ROR1: variants seen among roughly 807,000 people sequenced by gnomAD.
The protein encoded by ROR1 is ROR family WNT receptor 1, also known as inactive tyrosine-protein kinase transmembrane receptor ROR1.
In ROR1, 19 loss-of-function variants were observed where a neutral mutation model predicts 78.8. That is an observed-to-expected ratio of 0.24 (90% CI 0.17 to 0.35). The LOEUF (loss-of-function observed/expected upper bound fraction) is 0.35. Among genes scored for constraint, ROR1 ranks in the 10% least tolerant of loss-of-function variants. The pLI is 1.00. For synonymous variants in ROR1, 386 were observed against 433.6 expected (o/e 0.89, Z 1.36); for missense variants, 917 against 1,177.8 (o/e 0.78, Z 3.24).
chr1:64,001,041 A>G (rs886349171), intron 1 of ROR1, among the ~76,000 whole-genome samples: 10 of 152,210 alleles, frequency 6.6e-5, no homozygotes, highest in African/African-American at 1.9e-4. Flanking sequence ...AAGTCTATGC[A>G]TGGGTTCATG....
chr1:63,821,865 C>T (rs2819146), intron 1 of ROR1, among the ~76,000 whole-genome samples: 3,784 of 152,244 alleles, frequency 0.025, 163 homozygotes, highest in African/African-American at 0.087. Context: ...CTGACAGCTC[C>T]CCCTTCTCCT....
At chr1:64,164,991 A>T (rs1430351246) in intron 8 of ROR1, among the ~76,000 whole-genome samples, 2 of 152,120 alleles carry the variant, frequency 1.3e-5, no homozygotes, top group Non-Finnish European at 2.9e-5. Context: ...CATTTTCTTT[A>T]TCCAGTCTAT....
At chr1:64,034,328 A>G (rs1014305448) in intron 2 of ROR1, among the ~76,000 whole-genome samples, 1 of 152,086 alleles carries the variant, frequency 6.6e-6, no homozygotes, top group Non-Finnish European at 1.5e-5. Context: ...TTTTAGCCAC[A>G]GTACATTAGC....
intron 4 of ROR1, chr1:64,111,212 G>C (rs929797541): frequency 2.0e-5 from 3 of 152,114 alleles, no homozygotes; most frequent in Non-Finnish European, 1.5e-5. Flanking sequence ...AAATACATTT[G>C]CTTGTAATTT....
intron 1 of ROR1, among the ~76,000 whole-genome samples, chr1:63,977,410 T>C (rs189042370): frequency 3.8e-4 from 58 of 152,256 alleles, no homozygotes; most frequent in African/African-American, 1.3e-3. Context: ...CTCCAAAAGT[T>C]TTGGGTTTTG....
chr1:64,112,703 T>C (rs1230041367), intron 4 of ROR1, among the ~76,000 whole-genome samples: 1 of 152,140 alleles, frequency 6.6e-6, no homozygotes, highest in Non-Finnish European at 1.5e-5. Context: ...TATTTGTGGA[T>C]TCCCCCACAA....
chr1:64,090,606 C>A (rs936393326), intron 4 of ROR1, among the ~76,000 whole-genome samples: 2 of 152,160 alleles, frequency 1.3e-5, no homozygotes, highest in East Asian at 1.9e-4. Flanking sequence ...TCCGACCCCA[C>A]GTGGCCATTG....
chr1:64,158,976 C>T lies in ROR1; in HGVS notation c.1175-5C>T, dbSNP rs924288319. 3.1e-6 allele frequency: 5 copies of T among 1,611,636 alleles called. No homozygotes were observed. The highest frequency in any genetic ancestry group is 4.2e-6 in the Non-Finnish European group (5 of 1,178,002). ...ACTTTTGCTCTTTTTCATTTCTGCACCCAGATTCAAAGGATTCCAAGGAGA... is the reference window on the plus strand; with the variant it reads ...ACTTTTGCTCTTTTTCATTTCTGCATCCAGATTCAAAGGATTCCAAGGAGA... On this transcript the variant is annotated splice_polypyrimidine_tract_variant and splice_region_variant and intron_variant, in intron 7 of 8. Transcript: ENST00000371079.
At chr1:64,139,528 A>G in intron 5 of ROR1, among the ~76,000 whole-genome samples, 1 of 152,210 alleles carries the variant, frequency 6.6e-6, no homozygotes, top group South Asian at 2.1e-4. Context: ...GGAACCACTA[A>G]TATTCGATGA....
chr1:63,780,419 A>G (rs1644643944), intron 1 of ROR1, among the ~76,000 whole-genome samples: 1 of 152,154 alleles, frequency 6.6e-6, no homozygotes. Context: ...TAAAATGGGA[A>G]TAACAATAAT....
chr1:63,929,024 A>C (rs1219885078), intron 1 of ROR1, among the ~76,000 whole-genome samples: 10 of 152,208 alleles, frequency 6.6e-5, no homozygotes, highest in Non-Finnish European at 1.5e-5. Context: ...ATTAGTATTT[A>C]AAGAGCCGTT....
chr1:63,845,625 A>T (rs1182306052), intron 1 of ROR1, among the ~76,000 whole-genome samples: 1 of 152,048 alleles, frequency 6.6e-6, no homozygotes, highest in Admixed American at 6.6e-5. Context: ...TCAATCCTTG[A>T]CCCACTGTTT....
chr1:63,980,687 G>A (rs1225530113), intron 1 of ROR1, among the ~76,000 whole-genome samples: 1 of 152,194 alleles, frequency 6.6e-6, no homozygotes, highest in Non-Finnish European at 1.5e-5. Flanking sequence ...CATCTCAATG[G>A]TTTATGTTAA....
At chr1:64,051,313 C>T (rs1026202151) in intron 4 of ROR1, among the ~76,000 whole-genome samples, 3 of 151,358 alleles carry the variant, frequency 2.0e-5, no homozygotes, top group African/African-American at 7.3e-5. Context: ...AGCCGTGCGT[C>T]GTGGTGGGCG....
chr1:63,796,546 A>C (rs1218396328), intron 1 of ROR1, among the ~76,000 whole-genome samples: 1 of 152,230 alleles, frequency 6.6e-6, no homozygotes, highest in Non-Finnish European at 1.5e-5. Context: ...ATTAAAATAT[A>C]GTTACGAAGA....
intron 1 of ROR1, among the ~76,000 whole-genome samples, chr1:63,786,297 G>A (rs1286414909): frequency 9.6e-6 from 1 of 104,404 alleles, no homozygotes; most frequent in Non-Finnish European, 1.8e-5. Flanking sequence ...TTTTGAGACA[G>A]AGTCTCGCTC....
intron 1 of ROR1, among the ~76,000 whole-genome samples, chr1:63,806,493 A>AT (rs1644830161): frequency 1.3e-5 from 2 of 151,916 alleles, no homozygotes; most frequent in African/African-American, 2.4e-5. Flanking sequence ...AATTGTTTGT[A>AT]TTTTTAGTAG....
intron 1 of ROR1, among the ~76,000 whole-genome samples, chr1:63,950,039 G>C (rs1427609907): frequency 6.6e-6 from 1 of 152,120 alleles, no homozygotes; most frequent in Admixed American, 6.5e-5. Flanking sequence ...CTAAACATCA[G>C]AATCACCTGA....
chr1:63,915,031 A>G (rs1645598671), intron 1 of ROR1, among the ~76,000 whole-genome samples: 2 of 152,206 alleles, frequency 1.3e-5, no homozygotes, highest in Admixed American at 6.5e-5. Flanking sequence ...TTTATTGAAT[A>G]CATCGTGCTT....
Sources: allele counts gnomAD v4.1 joint callset (sites outside exome capture counted in the v4.1 genomes callset), GRCh38; gene constraint gnomAD v4.1.1; transcripts MANE v1.5; gene names NCBI Gene and HGNC (gene_info 2026-07-23, HGNC 2026-07-21).